Variants in SORCS3 observed in about 807,000 individuals in gnomAD.
The protein encoded by SORCS3 is VPS10 domain-containing receptor SorCS3.
Under a neutral mutation model 146.3 loss-of-function variants are expected in SORCS3, and 57 were observed. The observed-to-expected ratio is 0.39, with a 90% confidence interval of 0.31 to 0.49. The LOEUF is 0.49. Ranked by LOEUF, SORCS3 falls within the 20% of genes least tolerant of loss-of-function variation. The probability of loss-of-function intolerance (pLI) is 0.92; values close to 1 mark genes in which losing one functional copy is unlikely to be tolerated. For synonymous variants in SORCS3, 653 were observed against 618.5 expected, an observed-to-expected ratio of 1.06 and a Z score of -0.83; for missense variants, 1,341 against 1,575.5, an observed-to-expected ratio of 0.85 and a Z score of 2.52.
chr10:105,153,237 T>C (rs1042752892), intron 9 of SORCS3, among the ~76,000 whole-genome samples: 1 of 152,096 alleles, frequency 6.6e-6, no homozygotes, highest in African/African-American at 2.4e-5. Flanking sequence ...CAGTCTGACT[T>C]TTTTTTGCTT....
intron 2 of SORCS3, among the ~76,000 whole-genome samples, chr10:104,864,475 C>G (rs1227128825): frequency 6.6e-6 from 1 of 152,120 alleles, no homozygotes; most frequent in Admixed American, 6.5e-5. Flanking sequence ...GGTTCAGCTC[C>G]CTGCCATTGC....
chr10:105,253,040 A>G, intron 23 of SORCS3, 134 bp downstream of exon 23: 1 of 977,722 alleles, frequency 1.0e-6, no homozygotes, highest in Non-Finnish European at 1.5e-6. Flanking sequence ...AAGAGCAATC[A>G]CCCTTACCCA....
At chr10:104,821,685 C>T (rs923138578) in intron 1 of SORCS3, among the ~76,000 whole-genome samples, 2 of 152,222 alleles carry the variant, frequency 1.3e-5, no homozygotes, top group Non-Finnish European at 2.9e-5. Context: ...TTTCTCCTGA[C>T]TTCTCCCTTT....
chr10:105,254,586 C>A (rs1424901377), intron 23 of SORCS3, among the ~76,000 whole-genome samples: 2 of 152,290 alleles, frequency 1.3e-5, no homozygotes, highest in East Asian at 3.9e-4. Flanking sequence ...CCTGCAGAAC[C>A]TGCATGTAAG....
At chr10:104,780,770 T>C (rs562036430) in intron 1 of SORCS3, among the ~76,000 whole-genome samples, 1 of 152,314 alleles carries the variant, frequency 6.6e-6, no homozygotes, top group South Asian at 2.1e-4. Flanking sequence ...TGCCTGTGTC[T>C]TCTGACAATC....
intron 5 of SORCS3, among the ~76,000 whole-genome samples, chr10:105,067,990 C>T (rs2133723564): frequency 6.6e-6 from 1 of 152,126 alleles, no homozygotes; most frequent in African/African-American, 2.4e-5. Flanking sequence ...TCAATGCTTC[C>T]AGTCCCTCTA....
At chr10:104,711,151 G>A (rs1183484827) in intron 1 of SORCS3, among the ~76,000 whole-genome samples, 1 of 152,156 alleles carries the variant, frequency 6.6e-6, no homozygotes, top group Non-Finnish European at 1.5e-5. Flanking sequence ...ACCAGGTACT[G>A]TTCTAACCAC....
In SORCS3 at chr10:105,197,597, C is replaced by T. The variant is rs151138381; in HGVS notation, c.2010-2402C>T. ...ATTCTGTTAATGCATTTCAAGATCA[C>T]GTTAAATATTTTATGTCTCCCTGAA... On this transcript the variant is annotated intron_variant, in intron 14 of 26. Coordinates refer to ENST00000369701, the MANE Select transcript of SORCS3 (RefSeq NM_014978.3). Among the ~76,000 whole-genome samples, 796 of 152,252 alleles carry T rather than the reference C, an allele frequency of 5.2e-3. 6 individuals are homozygous for T. Among genetic ancestry groups the T allele is most frequent in the Middle Eastern group, 0.01 (3 of 294 alleles).
chr10:104,684,325 A>G (rs891555327), intron 1 of SORCS3, among the ~76,000 whole-genome samples: 2 of 152,222 alleles, frequency 1.3e-5, no homozygotes, highest in Non-Finnish European at 2.9e-5. Context: ...TGTAAGCACT[A>G]TGGTGCTTTG....
At chr10:104,975,798 C>T (rs2054893196) in intron 3 of SORCS3, among the ~76,000 whole-genome samples, 4 of 152,144 alleles carry the variant, frequency 2.6e-5, no homozygotes, top group Admixed American at 2.0e-4. Flanking sequence ...CTGAGAAAAA[C>T]CAGCAATGGG....
chr10:104,681,098 G>A (rs761487893), intron 1 of SORCS3, among the ~76,000 whole-genome samples: 2 of 152,216 alleles, frequency 1.3e-5, no homozygotes, highest in African/African-American at 2.4e-5. Context: ...ACACATGCCG[G>A]TCTCCCTGCT....
chr10:105,095,148 A>G (rs1264051321), intron 6 of SORCS3, among the ~76,000 whole-genome samples: 2 of 152,138 alleles, frequency 1.3e-5, no homozygotes, highest in Non-Finnish European at 2.9e-5. Flanking sequence ...ACAGGAAGAG[A>G]TAGATGAAAA....
intron 1 of SORCS3, among the ~76,000 whole-genome samples, chr10:104,798,542 A>G (rs1252364751): frequency 6.6e-6 from 1 of 152,238 alleles, no homozygotes; most frequent in Non-Finnish European, 1.5e-5. Flanking sequence ...TGATGAAGAT[A>G]TGGAGCAACA....
At chr10:104,952,588 T>G (rs118074188) in intron 3 of SORCS3, among the ~76,000 whole-genome samples, 2,760 of 152,332 alleles carry the variant, frequency 0.018, 44 homozygotes, top group Non-Finnish European at 0.03. Context: ...TGTTCACCCA[T>G]GTACAGGAAC....
chr10:105,225,694 A>G (rs972670922), intron 20 of SORCS3, among the ~76,000 whole-genome samples: 2 of 152,010 alleles, frequency 1.3e-5, no homozygotes, highest in African/African-American at 4.8e-5. Flanking sequence ...TCACAATATT[A>G]AGTATTCCTA....
At chr10:105,102,492 C>T (rs1259945294) in intron 6 of SORCS3, among the ~76,000 whole-genome samples, 2 of 152,028 alleles carry the variant, frequency 1.3e-5, no homozygotes, top group African/African-American at 2.4e-5. Context: ...TACATACAGA[C>T]ACAAAAAAGG....
At chr10:104,967,382 C>G (rs562211819) in intron 3 of SORCS3, among the ~76,000 whole-genome samples, 4 of 152,178 alleles carry the variant, frequency 2.6e-5, no homozygotes, top group Non-Finnish European at 5.9e-5. Flanking sequence ...AACACACGTA[C>G]AGACAACATG....
At chr10:104,798,306 C>T (rs986492285) in intron 1 of SORCS3, among the ~76,000 whole-genome samples, 2 of 152,072 alleles carry the variant, frequency 1.3e-5, no homozygotes, top group South Asian at 2.1e-4. Context: ...CTCATGTGGC[C>T]GTATAAGTGA....
chr10:105,016,632 G>A (rs779066288), intron 4 of SORCS3, among the ~76,000 whole-genome samples: 3 of 152,070 alleles, frequency 2.0e-5, no homozygotes, highest in Non-Finnish European at 4.4e-5. Context: ...TTCAAATGGT[G>A]ATGACTTTTT....
Sources: gnomAD v4.1 joint callset for allele counts (sites outside exome capture counted in the v4.1 genomes callset) on GRCh38, gnomAD v4.1.1 for gene constraint, MANE v1.5 for transcripts, NCBI Gene and HGNC (gene_info 2026-07-23, HGNC 2026-07-21) for gene names.